DNAH10: variants seen among roughly 807,000 people sequenced by gnomAD.
DNAH10 encodes axonemal beta dynein heavy chain 10.
Under a neutral mutation model 506.6 loss-of-function variants are expected in DNAH10, and 348 were observed. The observed-to-expected ratio is 0.69, with a 90% CI of 0.63 to 0.75. DNAH10 has a LOEUF of 0.75. Ranked by LOEUF, DNAH10 falls within the 30% of genes least tolerant of loss-of-function variation. DNAH10 has a pLI of 0.00. For synonymous variants in DNAH10, 2,059 were observed against 2,198.6 expected (o/e 0.94, Z 1.78); for missense variants, 5,179 against 5,787.1 (o/e 0.89, Z 3.41).
At position 123,845,968 on chromosome 12, in the gene DNAH10, C is replaced by A; in HGVS notation, c.5631-3C>A. The A allele has an allele frequency of 6.2e-7, 1 of 1,613,858 alleles. No individual in the cohort carries two copies. Among genetic ancestry groups the A allele is most frequent in the Non-Finnish European group, 8.5e-7 (1 of 1,179,796 alleles). ...CACTTCCTCCACCTTTCTTGCCGTC[C>A]AGTATCCTGGAGGCCCGAGAGTTTG... On this transcript the variant is annotated splice_region_variant and splice_polypyrimidine_tract_variant and intron_variant, in intron 31 of 78. Transcript: ENST00000673944.
Position 123,826,793 on chromosome 12 carries a change from C to T in DNAH10, c.4286C>T (p.Pro1429Leu). ...FLRALRKLPR[P>L]VRGLSVTYYL... The stretch of plus-strand genomic sequence containing the variant: ...AGGGCTCTCAGAAAGCTACCTCGGC[C>T]AGTCCGTGGCTTATCAGTGACCTAC... Residue 1429 changes from proline to leucine, a missense_variant, in exon 25 of 79, where the codon CCA becomes CTA. Transcript: ENST00000673944. The T allele has an allele frequency of 6.2e-7, 1 of 1,614,004 alleles. No homozygotes were observed. Among genetic ancestry groups the T allele is most frequent in the East Asian group, 2.2e-5 (1 of 44,884 alleles).
At chr12:123,770,587 A>G (rs745491880) in intron 2 of DNAH10, among the ~76,000 whole-genome samples, 87 of 151,076 alleles carry the variant, frequency 5.8e-4, no homozygotes, top group Non-Finnish European at 2.4e-4. Flanking sequence ...CACGGTGCCA[A>G]TGCCCTTACC....
chr12:123,787,674 C>A lies in DNAH10; in HGVS notation c.1422-130C>A, dbSNP rs1957908810. 10 of 1,094,616 alleles carry A rather than the reference C, an allele frequency of 9.1e-6. No homozygotes were observed. The Admixed American group carries it at 1.3e-4, about 14-fold the overall frequency. 67.8% of individuals were successfully genotyped at this position (1,094,616 alleles called of 1,614,324 possible). ...AGCCGCTTGCCCGCTCTGCCTTTTC[C>A]GATGAGGCCGTGAAACCAGGGGGGG... On this transcript the variant is annotated intron_variant, in intron 9 of 78. Transcript: ENST00000673944. The surrounding 1 kb of genome is among the most constrained non-coding windows in gnomAD (Gnocchi z 4.6).
chr12:123,847,839 T>C, intron 32 of DNAH10, 122 bp from the exon 33 acceptor site: 1 of 1,353,988 alleles, frequency 7.4e-7, no homozygotes, highest in African/African-American at 1.5e-5. Flanking sequence ...AGTTGACACA[T>C]GAAAGCAAAC....
At chr12:123,929,962 G>A (rs1463211583) in intron 72 of DNAH10, 13 of 609,250 alleles carry the variant, frequency 2.1e-5, no homozygotes, top group Non-Finnish European at 3.8e-5. Flanking sequence ...CCCTGAGCTG[G>A]ATCCATGGCT....
chr12:123,850,810 G>C lies in DNAH10; in HGVS notation c.6103-78G>C. The C allele has an allele frequency of 7.0e-7, 1 of 1,436,658 alleles. No homozygotes were observed. Among genetic ancestry groups the C allele is most frequent in the Non-Finnish European group, 9.4e-7 (1 of 1,065,586 alleles). The allele number at this position is 1,436,658 out of a possible 1,614,324, so 89.0% of individuals were successfully genotyped here. A position where few individuals can be genotyped will look rare whatever the true frequency, so the allele number is the denominator to read the frequency against. The stretch of plus-strand genomic sequence containing the variant: ...ATGAAAATGAATCGCCACGCAGCTC[G>C]CCGCAGGCCCCCTTTCCAAGGGGCT... On this transcript the variant is annotated intron_variant, in intron 34 of 78. Coordinates refer to ENST00000673944, the MANE Select transcript of DNAH10 (RefSeq NM_001372106.1). The surrounding 1 kb of genome is among the most constrained non-coding windows in gnomAD (Gnocchi z 5.5).
chr12:123,823,228 T>C (rs1197677201), intron 24 of DNAH10, among the ~76,000 whole-genome samples: 1 of 152,176 alleles, frequency 6.6e-6, no homozygotes, highest in Non-Finnish European at 1.5e-5. Flanking sequence ...TTTGAAGTTG[T>C]GTCTTGTGTC....
Position 123,861,112 on chromosome 12 carries a change from G to A in DNAH10, c.6850G>A (p.Gly2284Arg). 1 of 1,613,984 alleles carries A rather than the reference G, an allele frequency of 6.2e-7. No homozygotes were observed. Among genetic ancestry groups the A allele is most frequent in the Non-Finnish European group, 8.5e-7 (1 of 1,179,900 alleles). ...LDPTTRDWTD[G>R]VLSNIFREIN... ...CCCAACCACCCGAGACTGGACAGATGGGGTGTTGTCAAACATCTTCAGGGA... is the reference window on the plus strand; with the variant it reads ...CCCAACCACCCGAGACTGGACAGATAGGGTGTTGTCAAACATCTTCAGGGA... Residue 2284 changes from glycine (G) to arginine (R), a missense_variant, in exon 39 of 79, where the codon GGG becomes AGG. Coordinates refer to ENST00000673944, the MANE Select transcript of DNAH10 (RefSeq NM_001372106.1).
Position 123,870,627 on chromosome 12 carries a change from C to A in DNAH10, c.7639+142C>A, listed in dbSNP as rs558135393. On this transcript the variant is annotated intron_variant, in intron 44 of 78. Transcript: ENST00000673944. ...GTAGAGAAGAATTGAAGAGGGTGAG[C>A]TGTGGGCCCTCCTGGGCATGGAGGG... 2,108 of 1,261,634 alleles carry A rather than the reference C, an allele frequency of 1.7e-3. 4 individuals carry two copies. The highest frequency in any genetic ancestry group is 2.1e-3 in the Non-Finnish European group (1,948 of 939,480). The allele number at this position is 1,261,634 out of a possible 1,614,324, so 78.2% of individuals were successfully genotyped here.
chr12:123,789,675 C>T (rs1860938138), intron 10 of DNAH10, among the ~76,000 whole-genome samples: 1 of 152,124 alleles, frequency 6.6e-6, no homozygotes, highest in South Asian at 2.1e-4. Flanking sequence ...TGCAAAGGTC[C>T]TGAGGCAGAA....
intron 5 of DNAH10, among the ~76,000 whole-genome samples, chr12:123,775,044 A>C (rs1593981781): frequency 1.3e-5 from 2 of 152,236 alleles, no homozygotes; most frequent in East Asian, 3.8e-4. Flanking sequence ...AGAAATAGGC[A>C]TGTGCACTGT....
chr12:123,805,089 C>T (rs74898832), intron 18 of DNAH10, 49 bp downstream of exon 18: 53,992 of 1,583,452 alleles, frequency 0.034, 1,078 homozygotes, highest in Middle Eastern at 0.048. Flanking sequence ...TAGATTAAAA[C>T]AGTTGACAAA....
chr12:123,783,301 G>A (rs761066563), intron 7 of DNAH10, 37 bp downstream of exon 7: 1 of 1,607,146 alleles, frequency 6.2e-7, no homozygotes, highest in East Asian at 2.2e-5. Context: ...CCCCGATCCA[G>A]GTCATGCTTA....
chr12:123,914,697 G>A, intron 61 of DNAH10, 147 bp downstream of exon 61: 1 of 1,390,810 alleles, frequency 7.2e-7, no homozygotes, highest in Non-Finnish European at 9.6e-7. Context: ...CGGGCAAGCT[G>A]CAAACCCAGC....
chr12:123,849,063 A>C (rs766487908), intron 34 of DNAH10, among the ~76,000 whole-genome samples, 181 bp downstream of exon 34: 12 of 152,188 alleles, frequency 7.9e-5, no homozygotes, highest in Non-Finnish European at 1.2e-4. Context: ...CATTGATGAT[A>C]AGGTTTGTAA....
chr12:123,897,994 C>A, intron 55 of DNAH10, 27 bp downstream of exon 55: 3 of 1,525,878 alleles, frequency 2.0e-6, no homozygotes, highest in Non-Finnish European at 2.6e-6. Context: ...GGGTGGTTGA[C>A]AAAAGTCATT....
chr12:123,861,539 G>T (rs1439818289), intron 39 of DNAH10, among the ~76,000 whole-genome samples: 1 of 152,192 alleles, frequency 6.6e-6, no homozygotes, highest in Non-Finnish European at 1.5e-5. Context: ...TCTATGGCAA[G>T]GTAAGTCAAG....
intron 16 of DNAH10, among the ~76,000 whole-genome samples, chr12:123,802,888 T>G (rs1958527143): frequency 6.6e-6 from 1 of 152,146 alleles, no homozygotes; most frequent in Non-Finnish European, 1.5e-5. Flanking sequence ...CAACACGTCT[T>G]TTTATGTCTT....
intron 16 of DNAH10, among the ~76,000 whole-genome samples, chr12:123,802,758 A>G (rs1958523095): frequency 1.4e-5 from 2 of 141,838 alleles, no homozygotes; most frequent in Admixed American, 1.4e-4. Flanking sequence ...AATTTTGGCC[A>G]TCTGATAGCT....
Sources: gnomAD v4.1 joint callset for allele counts (sites outside exome capture counted in the v4.1 genomes callset) on GRCh38, gnomAD v4.1.1 for gene constraint, Gnocchi (gnomAD v3.1) non-coding constraint, MANE v1.5 for transcripts, NCBI Gene and HGNC (gene_info 2026-07-23, HGNC 2026-07-21) for gene names.